HHAT: variants seen among roughly 807,000 people sequenced by gnomAD.
HHAT encodes protein-cysteine N-palmitoyltransferase HHAT.
Under a neutral mutation model 70.8 loss-of-function variants are expected in HHAT, and 47 were observed. The observed-to-expected ratio is 0.66, with a 90% confidence interval of 0.53 to 0.85. HHAT has a LOEUF of 0.85. Ranked by LOEUF, HHAT falls within the 40% of genes least tolerant of loss-of-function variation. The pLI is 0.00. For synonymous variants in HHAT, 228 were observed against 247.6 expected, an observed-to-expected ratio of 0.92 and a Z score of 0.74; for missense variants, 609 against 604.8, an observed-to-expected ratio of 1.01 and a Z score of -0.07.
At chr1:210,401,801 C>A (rs1460087107) in intron 5 of HHAT, among the ~76,000 whole-genome samples, 1 of 152,172 alleles carries the variant, frequency 6.6e-6, no homozygotes, top group African/African-American at 2.4e-5. Context: ...GAGGCGATTG[C>A]ACCTATCAGC....
intron 2 of HHAT, among the ~76,000 whole-genome samples, chr1:210,361,515 T>C (rs901497553): frequency 7.9e-5 from 12 of 151,830 alleles, no homozygotes; most frequent in African/African-American, 2.9e-4. Flanking sequence ...TTACTAAATG[T>C]TGCCTGTGGT....
intron 11 of HHAT, among the ~76,000 whole-genome samples, chr1:210,672,066 A>G (rs960755028): frequency 1.3e-5 from 2 of 152,188 alleles, no homozygotes; most frequent in Admixed American, 1.3e-4. Context: ...GCAAGTCTTT[A>G]CATCATTTCA....
intron 8 of HHAT, among the ~76,000 whole-genome samples, chr1:210,475,865 TAAAAA>T (rs57833835): frequency 3.2e-4 from 48 of 151,624 alleles, no homozygotes; most frequent in African/African-American, 1.1e-3. Context: ...TTGTTTTAGT[TAAAAA>T]AAAATCCCTG....
intron 9 of HHAT, among the ~76,000 whole-genome samples, chr1:210,525,575 T>A (rs2095233215): frequency 6.6e-6 from 1 of 152,192 alleles, no homozygotes; most frequent in Admixed American, 6.5e-5. Flanking sequence ...CTTGTTAGAA[T>A]TATTTGTCTT....
intron 1 of HHAT, among the ~76,000 whole-genome samples, chr1:210,346,926 G>A (rs1211672810): frequency 6.6e-6 from 1 of 152,166 alleles, no homozygotes; most frequent in African/African-American, 2.4e-5. Context: ...GACAAAAATT[G>A]TACATATTTA....
intron 1 of HHAT, among the ~76,000 whole-genome samples, chr1:210,338,459 T>C (rs1321184178): frequency 6.6e-6 from 1 of 152,156 alleles, no homozygotes; most frequent in East Asian, 1.9e-4. Context: ...TTTGAACGAG[T>C]ATTATTGGAA....
At chr1:210,619,165 A>G (rs1363992783) in intron 10 of HHAT, among the ~76,000 whole-genome samples, 1 of 152,142 alleles carries the variant, frequency 6.6e-6, no homozygotes, top group Non-Finnish European at 1.5e-5. Context: ...GTATATTCAC[A>G]TTCACAGGGA....
At chr1:210,652,959 G>A (rs1675492225) in intron 11 of HHAT, among the ~76,000 whole-genome samples, 1 of 152,206 alleles carries the variant, frequency 6.6e-6, no homozygotes, top group African/African-American at 2.4e-5. Context: ...CTAGGACTTT[G>A]ACATCCAGAC....
chr1:210,602,040 A>T lies in HHAT; in HGVS notation c.1245+13941A>T, dbSNP rs149620858. Among the ~76,000 whole-genome samples, 32 of 152,070 alleles carry T rather than the reference A, an allele frequency of 2.1e-4. 2 individuals are homozygous for T. The East Asian group carries it at 6.0e-3, about 29-fold the overall frequency. Reference sequence around the variant, plus strand: ...GAAAAGGCAGCCAAGGAACACCAATATTGAGAAGTTGGATCGAGGGGGAGC... The same window carrying T: ...GAAAAGGCAGCCAAGGAACACCAATTTTGAGAAGTTGGATCGAGGGGGAGC... On this transcript the variant is annotated intron_variant, in intron 10 of 11. Coordinates refer to ENST00000261458, the MANE Select transcript of HHAT (RefSeq NM_018194.6).
At chr1:210,524,641 G>A (rs1376664470) in intron 9 of HHAT, among the ~76,000 whole-genome samples, 1 of 152,172 alleles carries the variant, frequency 6.6e-6, no homozygotes. Context: ...AGGGTTTTAA[G>A]TAGGGGAGTG....
At chr1:210,525,919 G>A (rs1404988490) in intron 9 of HHAT, among the ~76,000 whole-genome samples, 1 of 152,218 alleles carries the variant, frequency 6.6e-6, no homozygotes, top group African/African-American at 2.4e-5. Context: ...CATTTGTTAA[G>A]TGTTGTCGCT....
chr1:210,494,387 C>CTG (rs1391275806), intron 8 of HHAT, among the ~76,000 whole-genome samples: 1 of 152,018 alleles, frequency 6.6e-6, no homozygotes, highest in African/African-American at 2.4e-5. Flanking sequence ...ACAGGCTCTG[C>CTG]TGATGGGATT....
At chr1:210,347,383 G>T (rs953241049) in intron 1 of HHAT, among the ~76,000 whole-genome samples, 7 of 152,194 alleles carry the variant, frequency 4.6e-5, no homozygotes, top group African/African-American at 1.7e-4. Flanking sequence ...GAGATAATGT[G>T]TGAATTCTGG....
intron 7 of HHAT, among the ~76,000 whole-genome samples, chr1:210,427,203 T>C (rs974927981): frequency 1.3e-5 from 2 of 152,142 alleles, no homozygotes; most frequent in Non-Finnish European, 2.9e-5. Flanking sequence ...TTGTGTTCAT[T>C]TGAATCTTCT....
chr1:210,623,249 G>C (rs1669210038), intron 10 of HHAT, among the ~76,000 whole-genome samples: 1 of 151,996 alleles, frequency 6.6e-6, no homozygotes, highest in Admixed American at 6.5e-5. Context: ...TTTTTAAATT[G>C]TTTTTGTAGA....
rs569289580 is a variant in HHAT, at chr1:210,585,438, A to G, written c.1044-2460A>G. The stretch of plus-strand genomic sequence containing the variant: ...AACTGGACTCTTTTTTTTGAGACGG[A>G]GTCTTGCTCTGTCACCCAGGCTGGA... On this transcript the variant is annotated intron_variant, in intron 9 of 11. Coordinates refer to ENST00000261458, the MANE Select transcript of HHAT (RefSeq NM_018194.6). Among the ~76,000 whole-genome samples, 5 of 151,988 alleles carry G rather than the reference A, an allele frequency of 3.3e-5. No individual in the cohort carries two copies. The South Asian group carries it at 1.0e-3, about 32-fold the overall frequency.
At chr1:210,526,935 C>T (rs1307588915) in intron 9 of HHAT, among the ~76,000 whole-genome samples, 1 of 152,164 alleles carries the variant, frequency 6.6e-6, no homozygotes, top group African/African-American at 2.4e-5. Flanking sequence ...TAGATGGGGA[C>T]ACTAGGATAA....
intron 9 of HHAT, among the ~76,000 whole-genome samples, chr1:210,544,695 C>T (rs1181299910): frequency 6.6e-6 from 1 of 152,106 alleles, no homozygotes; most frequent in Non-Finnish European, 1.5e-5. Flanking sequence ...CAGAGAAGAT[C>T]TACCAGCTAT....
At chr1:210,481,177 T>A (rs1038399118) in intron 8 of HHAT, among the ~76,000 whole-genome samples, 1 of 152,174 alleles carries the variant, frequency 6.6e-6, no homozygotes, top group Non-Finnish European at 1.5e-5. Context: ...ACAGTTAATA[T>A]CACTTTACAA....
Sources: allele counts gnomAD v4.1 joint callset (sites outside exome capture counted in the v4.1 genomes callset), GRCh38; gene constraint gnomAD v4.1.1; transcripts MANE v1.5; gene names NCBI Gene and HGNC (gene_info 2026-07-23, HGNC 2026-07-21).